The following DHX16 variants were observed in gnomAD, a reference collection of about 807,000 sequenced individuals.
The protein encoded by DHX16 is pre-mRNA-splicing factor ATP-dependent RNA helicase DHX16.
In DHX16, 81 loss-of-function variants were observed where a neutral mutation model predicts 131.2. The ratio of observed to expected loss-of-function variants is 0.62; its 90% CI spans 0.52 to 0.74. The LOEUF is 0.74. DHX16 is among the 30% of genes least tolerant of loss of function. The pLI is 0.00. For synonymous variants in DHX16, 440 were observed against 520.2 expected, an observed-to-expected ratio of 0.85 and a Z score of 2.10; for missense variants, 980 against 1,363.1, an observed-to-expected ratio of 0.72 and a Z score of 4.43.
In DHX16 at chr6:30,665,203, C is replaced by A. The variant is rs1253177816; in HGVS notation, c.993G>T (p.Glu331Asp). ...APGEEQRRWE[E>D]ARLGAASLKF... ...TCAGGGACGCTGCCCCAAGCCGCGC[C>A]TCCTCCCAGCGCCGCTGCTCCTCCC... Residue 331 changes from glutamate (E) to aspartate (D), a missense_variant, in exon 6 of 20, where the codon GAG becomes GAT. Physicochemically the swap from Glu to Asp is conservative, Grantham distance 45. This residue lies in a region of DHX16 where 457 missense variants were observed against 554.8 expected (regional missense o/e 0.82). Transcript: ENST00000376442. This position sits in a 1 kb window ranked among gnomAD's most constrained non-coding sequence, Gnocchi z 4.8. 6.2e-7 allele frequency: 1 copy of A among 1,609,242 alleles called. No homozygotes were observed. Among genetic ancestry groups the A allele is most frequent in the East Asian group, 2.2e-5 (1 of 44,866 alleles).
Position 30,671,155 on chromosome 6 carries a change from C to A in DHX16, c.327G>T (p.Glu109Asp). The A allele has an allele frequency of 6.2e-7, 1 of 1,613,110 alleles. No homozygotes were observed. The highest frequency in any genetic ancestry group is 8.5e-7 in the Non-Finnish European group (1 of 1,180,040). The change falls in exon 2 of 20, where the codon GAG becomes GAT. Residue 109 changes from glutamate (E) to aspartate (D), a missense_variant. Transcript: ENST00000376442. Reference protein sequence around the residue: ...LLEDSEESSEETVSRAGSSLQ... With the variant: ...LLEDSEESSEDTVSRAGSSLQ... ...GGCTGCTTCCAGCCCTACTCACAGT[C>A]TCCTCACTGCTCTCTTCACTGTCTT... is the stretch of plus-strand genomic sequence containing the variant.
At position 30,670,512 on chromosome 6, in the gene DHX16, C is replaced by A; in HGVS notation, c.610-46G>T. ...GGAGGGGTGTGAGGCCAAAGAGCCCCCACACTGACAGCTGCTCCCCTCTAG... is the reference window on the plus strand; with the variant it reads ...GGAGGGGTGTGAGGCCAAAGAGCCCACACACTGACAGCTGCTCCCCTCTAG... On this transcript the variant is annotated intron_variant, in intron 3 of 19. Transcript: ENST00000376442. This position sits in a 1 kb window ranked among gnomAD's most constrained non-coding sequence, Gnocchi z 4.4. 6.4e-7 allele frequency: 1 copy of A among 1,574,724 alleles called. No individual in the cohort carries two copies. Among genetic ancestry groups the A allele is most frequent in the East Asian group, 2.3e-5 (1 of 44,336 alleles).
In DHX16 at chr6:30,656,136, T is replaced by G; in HGVS notation, c.2498+62A>C. On this transcript the variant is annotated intron_variant, in intron 16 of 19. Coordinates refer to ENST00000376442, the MANE Select transcript of DHX16 (RefSeq NM_003587.5). This position sits in a 1 kb window ranked among gnomAD's most constrained non-coding sequence, Gnocchi z 5.1. The stretch of plus-strand genomic sequence containing the variant: ...AGAAAAAGACAGACAAAGGGGACCC[T>G]GGAGACAGAGGAGGCCTGGCCTGTT... The G allele has an allele frequency of 6.6e-7, 1 of 1,506,868 alleles. No homozygotes were observed. The highest frequency in any genetic ancestry group is 9.2e-7 in the Non-Finnish European group (1 of 1,088,806). The allele number at this position is 1,506,868 out of a possible 1,614,324, so 93.3% of individuals were successfully genotyped here. A position where few individuals can be genotyped will look rare whatever the true frequency, so the allele number is the denominator to read the frequency against.
Position 30,665,491 on chromosome 6 carries a change from T to A in DHX16, c.909A>T (p.Glu303Asp), listed in dbSNP as rs947392384. 3 of 1,612,800 alleles carry A rather than the reference T, an allele frequency of 1.9e-6. No homozygotes were observed. The Admixed American group carries it at 5.0e-5, about 27-fold the overall frequency. Residue 303 changes from glutamate (E) to aspartate (D), a missense_variant, in exon 5 of 20, where the codon GAA becomes GAT. Physicochemically the swap from Glu to Asp is conservative, Grantham distance 45. Transcript: ENST00000376442. This position sits in a 1 kb window ranked among gnomAD's most constrained non-coding sequence, Gnocchi z 4.8. Reference sequence around the variant, plus strand: ...CGCTTCACCTCACCTGTCCTCGGGTTTCCTTGGGCATGTGGTAGCGATTGG... The same window carrying A: ...CGCTTCACCTCACCTGTCCTCGGGTATCCTTGGGCATGTGGTAGCGATTGG... ...EATNRYHMPK[E>D]TRGQPARAVD...
chr6:30,672,887 G>A lies in DHX16; in HGVS notation c.-46C>T. On this transcript the variant is annotated 5_prime_UTR_variant, in exon 1 of 20. Coordinates refer to ENST00000376442, the MANE Select transcript of DHX16 (RefSeq NM_003587.5). ...CCCGGCCCTGAAGCGTCGGGCAGCC[G>A]CGCTCACTGCTGGGCCGGTCAGAGG... 1.2e-6 allele frequency: 2 copies of A among 1,605,478 alleles called. No individual in the cohort carries two copies. The highest frequency in any genetic ancestry group is 8.5e-7 in the Non-Finnish European group (1 of 1,176,192).
In DHX16 at chr6:30,670,894, G is replaced by C; in HGVS notation, c.505C>G (p.Arg169Gly). The C allele has an allele frequency of 6.2e-7, 1 of 1,612,972 alleles. No individual in the cohort carries two copies. The highest frequency in any genetic ancestry group is 8.5e-7 in the Non-Finnish European group (1 of 1,180,010). ...ESEDEWERTE[R>G]ERLQDLEERD... ...TCCTCCAGGTCCTGAAGGCGTTCAC[G>C]CTCTGTCCGTTCCCACTCATCTTCC... The change falls in exon 3 of 20, where the codon CGT becomes GGT. Residue 169 changes from arginine (R) to glycine (G), a missense_variant. Physicochemically the swap from Arg to Gly is moderately radical, Grantham distance 125 (BLOSUM62 -2). Around this residue, in one of 3 missense-constraint regions of DHX16, gnomAD observed 457 missense variants for 554.8 expected, o/e 0.82. Transcript: ENST00000376442. The surrounding 1 kb of genome is among the most constrained non-coding windows in gnomAD (Gnocchi z 4.4).
At position 30,672,801 on chromosome 6, in the gene DHX16, T is replaced by G. The variant is rs757705805; in HGVS notation, c.41A>C (p.Glu14Ala). 5 of 1,612,956 alleles carry G rather than the reference T, an allele frequency of 3.1e-6. No individual in the cohort carries two copies. Among genetic ancestry groups the G allele is most frequent in the Non-Finnish European group, 8.5e-7 (1 of 1,180,030 alleles). Residue 14 changes from glutamate (E) to alanine (A), a missense_variant, in exon 1 of 20, where the codon GAG becomes GCG. Physicochemically the swap from Glu to Ala is moderately radical, Grantham distance 107. Around this residue, in one of 3 missense-constraint regions of DHX16, gnomAD observed 457 missense variants for 554.8 expected, o/e 0.82. Coordinates refer to ENST00000376442, the MANE Select transcript of DHX16 (RefSeq NM_003587.5). ...GCTCAGCCCCAACACCGAGTGCAGC[T>G]CGTCCTGAACCCAGCGCTCCAGACC... ...PAGLERWVQD[E>A]LHSVLGLSER...
At chr6:30,659,176 C>T (rs910127751) in intron 12 of DHX16, among the ~76,000 whole-genome samples, 6 of 152,282 alleles carry the variant, frequency 3.9e-5, no homozygotes, top group Middle Eastern at 3.4e-3. Context: ...CGTGAGCCAC[C>T]GCACCTGACC....
In DHX16 at chr6:30,656,561, C is replaced by T; in HGVS notation, c.2311+36G>A. 1 of 1,614,170 alleles carries T rather than the reference C, an allele frequency of 6.2e-7. No homozygotes were observed. The highest frequency in any genetic ancestry group is 8.5e-7 in the Non-Finnish European group (1 of 1,180,026). On this transcript the variant is annotated intron_variant, in intron 14 of 19. Transcript: ENST00000376442. The surrounding 1 kb of genome is among the most constrained non-coding windows in gnomAD (Gnocchi z 5.1). ...AGAGTCCCTTCAAAGGACAGTGACT[C>T]CAGCCCCTCCCTCCTCTCTCAGGTA...
rs1276539492 is a variant in DHX16 at position 30,656,051 on chromosome 6, A to C, written c.2498+147T>G. The stretch of plus-strand genomic sequence containing the variant: ...AAGTGTCTTACCCTTGTGGGCCTCA[A>C]AAGGGGGCAATCAGAGTTATCTAAT... On this transcript the variant is annotated intron_variant, in intron 16 of 19. Transcript: ENST00000376442. This position sits in a 1 kb window ranked among gnomAD's most constrained non-coding sequence, Gnocchi z 5.1. 1.1e-5 allele frequency: 9 copies of C among 807,840 alleles called. No homozygotes were observed. The African/African-American group carries it at 1.4e-4, about 12-fold the overall frequency. The allele number at this position is 807,840 out of a possible 1,614,324, so 50.0% of individuals were successfully genotyped here.
chr6:30,655,563 C>G lies in DHX16; in HGVS notation c.2533G>C (p.Ala845Pro), dbSNP rs1307429939. ...SCSEEILTVA[A>P]MLSVNNSIFY... ...ATGGAGTTGTTGACAGAGAGCATGG[C>G]AGCCACTGTCAGGATCTCCTCTGAA... Residue 845 changes from alanine (A) to proline (P), a missense_variant, in exon 17 of 20, where the codon GCC (alanine) becomes CCC (proline). By Grantham distance (27) the Ala-to-Pro change is conservative. This residue lies in a region of DHX16 where 214 missense variants were observed against 271.2 expected (regional missense o/e 0.79). Coordinates refer to ENST00000376442, the MANE Select transcript of DHX16 (RefSeq NM_003587.5). 6.2e-7 allele frequency: 1 copy of G among 1,612,982 alleles called. No homozygotes were observed. The highest frequency in any genetic ancestry group is 1.1e-5 in the South Asian group (1 of 91,094).
At chr6:30,666,464 G>A (rs1769052611) in intron 4 of DHX16, among the ~76,000 whole-genome samples, 1 of 152,176 alleles carries the variant, frequency 6.6e-6, no homozygotes, top group Non-Finnish European at 1.5e-5. Flanking sequence ...CTCCCACTAT[G>A]ACATCATCCT....
Position 30,654,795 on chromosome 6 carries a change from T to C in DHX16, c.2908A>G (p.Ile970Val), listed in dbSNP as rs1023057495. 6.2e-7 allele frequency: 1 copy of C among 1,613,046 alleles called. No individual in the cohort carries two copies. The highest frequency in any genetic ancestry group is 8.5e-7 in the Non-Finnish European group (1 of 1,180,030). Residue 970 changes from isoleucine to valine, a missense_variant, in exon 19 of 20, where the codon ATT (isoleucine) becomes GTT (valine). Around this residue, in one of 3 missense-constraint regions of DHX16, gnomAD observed 214 missense variants for 271.2 expected, o/e 0.79. Transcript: ENST00000376442. Reference sequence around the variant, plus strand: ...TCAAAGAGGGAGGAGTTGGGATGAATGAAGACTGTCTGCTGCTGTTTCACT... The same window carrying C: ...TCAAAGAGGGAGGAGTTGGGATGAACGAAGACTGTCTGCTGCTGTTTCACT... ...RTVKQQQTVF[I>V]HPNSSLFEQQ...
chr6:30,659,410 A>G, intron 12 of DHX16, 62 bp downstream of exon 12: 1 of 1,529,142 alleles, frequency 6.5e-7, no homozygotes, highest in Non-Finnish European at 8.8e-7. Context: ...GCAGGCACAC[A>G]GCTTTTTCAC....
At position 30,671,174 on chromosome 6, in the gene DHX16, C is replaced by T; in HGVS notation, c.308G>A (p.Ser103Asn). Residue 103 changes from serine to asparagine, a missense_variant, in exon 2 of 20, where the codon AGT becomes AAT. Physicochemically the swap from Ser to Asn is conservative, Grantham distance 46 (BLOSUM62 1). Coordinates refer to ENST00000376442, the MANE Select transcript of DHX16 (RefSeq NM_003587.5). ...KNRSYRLLED[S>N]EESSEETVSR... ...CACAGTCTCCTCACTGCTCTCTTCA[C>T]TGTCTTCCAGTAACCTATAAGATCG... 3.1e-6 allele frequency: 5 copies of T among 1,613,080 alleles called. No homozygotes were observed. Among genetic ancestry groups the T allele is most frequent in the Non-Finnish European group, 4.2e-6 (5 of 1,180,042 alleles).
Position 30,656,211 on chromosome 6 carries a change from A to C in DHX16, c.2485T>G (p.Leu829Val), listed in dbSNP as rs754286215. 6 of 1,613,122 alleles carry C rather than the reference A, an allele frequency of 3.7e-6. No homozygotes were observed. Among genetic ancestry groups the C allele is most frequent in the Non-Finnish European group, 5.1e-6 (6 of 1,180,016 alleles). The change falls in exon 16 of 20, where the codon TTA becomes GTA. Residue 829 changes from leucine (L) to valine (V), a missense_variant. Transcript: ENST00000376442. The surrounding 1 kb of genome is among the most constrained non-coding windows in gnomAD (Gnocchi z 5.1). ...PVDPMLSKMI[L>V]ASEKYSCSEE... ...GCGAGGGCTTACTTCTCAGAGGCTA[A>C]GATCATTTTGGACAGCATGGGGTCC...
rs1301428740 is a variant in DHX16 at position 30,655,494 on chromosome 6, G to A, written c.2602C>T (p.Arg868Cys). 118 of 1,613,108 alleles carry A rather than the reference G, an allele frequency of 7.3e-5. No homozygotes were observed. The highest frequency in any genetic ancestry group is 1.6e-4 in the Middle Eastern group (1 of 6,084). The change falls in exon 17 of 20, where the codon CGT (arginine) becomes TGT (cysteine). Residue 868 changes from arginine (R) to cysteine (C), a missense_variant. Transcript: ENST00000376442. The stretch of plus-strand genomic sequence containing the variant: ...CCGCCAGGGAGAAAGAAGTTGACAC[G>A]GGCATTGTCAGCATGGACGACCTTG... ...KDKVVHADNA[R>C]VNFFLPGGDH... is the part of the protein sequence containing the mutation.
rs770548224 is a variant in DHX16 at position 30,653,258 on chromosome 6, C to A, written c.3110G>T (p.Arg1037Leu). Residue 1037 changes from arginine (R) to leucine (L), a missense_variant, in exon 20 of 20, where the codon CGA becomes CTA. By Grantham distance (102) the Arg-to-Leu change is moderately radical. Coordinates refer to ENST00000376442, the MANE Select transcript of DHX16 (RefSeq NM_003587.5). ...GTCCTTCTCTTACCCTAGCTCTTCT[C>A]GTGTTTTGCCTATTTTTTTGGGCAT... ...KKMPKKIGKT[R>L]EELG The A allele has an allele frequency of 6.2e-7, 1 of 1,612,912 alleles. No individual in the cohort carries two copies. The highest frequency in any genetic ancestry group is 2.2e-5 in the East Asian group (1 of 44,880).
In DHX16 at chr6:30,672,859, G is replaced by C. The variant is rs776506967; in HGVS notation, c.-18C>G. 6.2e-7 allele frequency: 1 copy of C among 1,611,740 alleles called. No individual in the cohort carries two copies. Among genetic ancestry groups the C allele is most frequent in the South Asian group, 1.1e-5 (1 of 90,992 alleles). ...GTCGCCATGGCGACTCACGCTCCCT[G>C]CTCCCGGCCCTGAAGCGTCGGGCAG... On this transcript the variant is annotated 5_prime_UTR_variant, in exon 1 of 20. Transcript: ENST00000376442.
Sources: allele counts gnomAD v4.1 joint callset (sites outside exome capture counted in the v4.1 genomes callset), GRCh38; gene constraint gnomAD v4.1.1; regional missense constraint gnomAD v4.1.1; non-coding constraint Gnocchi (gnomAD v3.1); transcripts MANE v1.5; gene names NCBI Gene and HGNC (gene_info 2026-07-23, HGNC 2026-07-21).